Variants in KCTD5 observed in about 807,000 individuals in gnomAD.
KCTD5 encodes the protein BTB/POZ domain-containing protein KCTD5.
Under a neutral mutation model 27.9 loss-of-function variants are expected in KCTD5, and 12 were observed. That is an observed-to-expected ratio of 0.43 (90% CI 0.28 to 0.70). KCTD5 has a LOEUF of 0.70. Among genes scored for constraint, KCTD5 ranks in the 30% least tolerant of loss-of-function variants. The pLI is 0.19. For synonymous variants in KCTD5, 147 were observed against 121.4 expected, an observed-to-expected ratio of 1.21 and a Z score of -1.39; for missense variants, 226 against 274.8, an observed-to-expected ratio of 0.82 and a Z score of 1.26.
chr16:2,682,965 T>G, intron 1 of KCTD5, 165 bp downstream of exon 1: 1 of 781,318 alleles, frequency 1.3e-6, no homozygotes, highest in Non-Finnish European at 1.9e-6. Flanking sequence ...CTTGCCCCGA[T>G]CCCCTACCCT....
intron 1 of KCTD5, chr16:2,683,554 C>A (rs1478473802): frequency 6.7e-6 from 1 of 150,352 alleles, no homozygotes; most frequent in Non-Finnish European, 1.5e-5. Flanking sequence ...TTTCATCAAG[C>A]GAAATGCTCA....
intron 1 of KCTD5, among the ~76,000 whole-genome samples, chr16:2,688,415 T>A (rs1255272000): frequency 6.6e-6 from 1 of 151,746 alleles, no homozygotes; most frequent in African/African-American, 2.4e-5. Flanking sequence ...CATGTCTGGC[T>A]GATTTTTGTA....
chr16:2,689,893 G>C (rs2067557701), intron 1 of KCTD5, among the ~76,000 whole-genome samples: 2 of 152,036 alleles, frequency 1.3e-5, no homozygotes, highest in South Asian at 4.1e-4. Context: ...TCAGGCTGGT[G>C]TTGAACTCCT....
intron 4 of KCTD5, among the ~76,000 whole-genome samples, chr16:2,700,694 C>T (rs1029288908): frequency 5.9e-5 from 9 of 152,156 alleles, no homozygotes; most frequent in African/African-American, 1.4e-4. Flanking sequence ...TGGCCCAGTG[C>T]GCCTGCCAGG....
chr16:2,689,876 A>G (rs919731142), intron 1 of KCTD5, among the ~76,000 whole-genome samples: 14 of 152,160 alleles, frequency 9.2e-5, no homozygotes, highest in African/African-American at 3.1e-4. Context: ...GGGTTTCACC[A>G]TGTTGGTCAG....
chr16:2,702,440 C>A lies in KCTD5; in HGVS notation c.637C>A (p.Pro213Thr). ...GGTGTCCAAGGAGCTGCACAACACC[C>A]CGTACGGTACGGCCAGCGAGCCCAG... ...CVVSKELHNTPYGTASEPSEK... is the reference protein window; with the variant it reads ...CVVSKELHNTTYGTASEPSEK... Residue 213 changes from proline (P) to threonine (T), a missense_variant, in exon 5 of 6, where the codon CCG becomes ACG. Pro to Thr is a conservative substitution (Grantham distance 38). Around this residue, in one of 2 missense-constraint regions of KCTD5, gnomAD observed 135 missense variants for 207.0 expected, o/e 0.65. Coordinates refer to ENST00000301738, the MANE Select transcript of KCTD5 (RefSeq NM_018992.4). 2 of 1,613,358 alleles carry A rather than the reference C, an allele frequency of 1.2e-6. No individual in the cohort carries two copies. Among genetic ancestry groups the A allele is most frequent in the Non-Finnish European group, 1.7e-6 (2 of 1,179,962 alleles).
intron 3 of KCTD5, 62 bp downstream of exon 3, chr16:2,698,059 A>G (rs1280332398): frequency 7.9e-7 from 1 of 1,259,238 alleles, no homozygotes; most frequent in African/African-American, 1.5e-5. Context: ...GCTCCCCTTT[A>G]CTCCCCCGAC....
intron 5 of KCTD5, among the ~76,000 whole-genome samples, chr16:2,706,373 G>C (rs1426711576): frequency 3.3e-5 from 5 of 152,202 alleles, no homozygotes; most frequent in Non-Finnish European, 7.4e-5. Context: ...TGCCCTACCT[G>C]GTGTTGGGCA....
intron 5 of KCTD5, among the ~76,000 whole-genome samples, chr16:2,705,301 T>C (rs917273536): frequency 6.6e-6 from 1 of 152,112 alleles, no homozygotes; most frequent in Non-Finnish European, 1.5e-5. Context: ...CCGCACTCCA[T>C]GCCAGCTGTA....
chr16:2,699,723 A>G, intron 3 of KCTD5, 98 bp from the exon 4 acceptor site: 1 of 1,051,710 alleles, frequency 9.5e-7, no homozygotes, highest in Non-Finnish European at 1.5e-6. Flanking sequence ...TGAGAACTGC[A>G]GAGTGGACCT....
chr16:2,688,692 G>A (rs2142052565), intron 1 of KCTD5, among the ~76,000 whole-genome samples: 1 of 112,692 alleles, frequency 8.9e-6, no homozygotes, highest in African/African-American at 3.6e-5. Context: ...GCCAGGAGTG[G>A]CTCGCCCTGC....
At chr16:2,706,408 G>A (rs959506120) in intron 5 of KCTD5, among the ~76,000 whole-genome samples, 1 of 152,202 alleles carries the variant, frequency 6.6e-6, no homozygotes, top group African/African-American at 2.4e-5. Context: ...CATGGAGACA[G>A]CTGTTGTGGG....
intron 5 of KCTD5, among the ~76,000 whole-genome samples, chr16:2,703,109 G>A (rs2067620074): frequency 6.6e-6 from 1 of 152,222 alleles, no homozygotes; most frequent in Non-Finnish European, 1.5e-5. Context: ...GGCAGCTGGG[G>A]TGAAATGCAG....
At chr16:2,691,027 C>A (rs895444495) in intron 1 of KCTD5, among the ~76,000 whole-genome samples, 3 of 152,216 alleles carry the variant, frequency 2.0e-5, no homozygotes, top group African/African-American at 7.2e-5. Flanking sequence ...CCACGAGTAG[C>A]CCCCGCACAC....
intron 1 of KCTD5, among the ~76,000 whole-genome samples, chr16:2,686,849 G>A (rs148937674): frequency 0.032 from 4,815 of 151,726 alleles, 274 homozygotes; most frequent in African/African-American, 0.11. Context: ...CTTTGAAGCC[G>A]CTTGGCAAGA....
intron 2 of KCTD5, among the ~76,000 whole-genome samples, chr16:2,696,760 C>T (rs1596223354): frequency 6.6e-6 from 1 of 152,400 alleles, no homozygotes; most frequent in Non-Finnish European, 1.5e-5. Flanking sequence ...CATCTGCCTG[C>T]CTCCTCCGAG....
intron 1 of KCTD5, among the ~76,000 whole-genome samples, chr16:2,687,777 A>G (rs1386573210): frequency 1.3e-5 from 2 of 152,112 alleles, no homozygotes; most frequent in African/African-American, 2.4e-5. Context: ...GTCCCCAGGC[A>G]TGGTCTTTAA....
chr16:2,697,389 C>A (rs2067591052), intron 2 of KCTD5: 1 of 154,742 alleles, frequency 6.5e-6, no homozygotes, highest in Non-Finnish European at 1.4e-5. Context: ...CAGCCACAGT[C>A]TTCCCTTTGA....
intron 1 of KCTD5, among the ~76,000 whole-genome samples, chr16:2,693,899 TGAGGCCAGGCCTGGAGGCCTC>T (rs1175784638): frequency 6.8e-6 from 1 of 148,048 alleles, no homozygotes; most frequent in African/African-American, 2.5e-5. Flanking sequence ...GTCTGACCAC[TGAGGCCAGGCCTGGAGGCCTC>T]CATGGCTGAC....
Sources: allele counts gnomAD v4.1 joint callset (sites outside exome capture counted in the v4.1 genomes callset), GRCh38; gene constraint gnomAD v4.1.1; regional missense constraint gnomAD v4.1.1; transcripts MANE v1.5; gene names NCBI Gene and HGNC (gene_info 2026-07-23, HGNC 2026-07-21).